PTPRM: variants seen among roughly 807,000 people sequenced by gnomAD.
PTPRM encodes the protein protein tyrosine phosphatase receptor type M, also known as receptor-type tyrosine-protein phosphatase mu.
In PTPRM, 47 loss-of-function variants were observed where a neutral mutation model predicts 186.7. The observed-to-expected ratio is 0.25, with a 90% confidence interval of 0.20 to 0.32. PTPRM has a LOEUF of 0.32. Ranked by LOEUF, PTPRM falls within the 10% of genes least tolerant of loss-of-function variation. The probability of loss-of-function intolerance (pLI) is 1.00; values close to 1 mark genes in which losing one functional copy is unlikely to be tolerated. For missense variants in PTPRM, 1,494 were observed against 1,865.0 expected (o/e 0.80, Z 3.66); for synonymous variants, 668 against 674.9 (o/e 0.99, Z 0.16).
chr18:8,289,531 T>C (rs1333313037), intron 19 of PTPRM, among the ~76,000 whole-genome samples: 1 of 97,622 alleles, frequency 1.0e-5, no homozygotes, highest in South Asian at 3.3e-4. Context: ...TATACATATA[T>C]ATACACATAT....
At chr18:7,804,725 A>C (rs987542785) in intron 2 of PTPRM, among the ~76,000 whole-genome samples, 4 of 152,226 alleles carry the variant, frequency 2.6e-5, no homozygotes, top group African/African-American at 9.6e-5. Context: ...TAAACTTTAT[A>C]TAATAATGAA....
chr18:8,039,174 C>T (rs770513383), intron 7 of PTPRM, among the ~76,000 whole-genome samples: 7 of 151,946 alleles, frequency 4.6e-5, no homozygotes, highest in South Asian at 2.1e-4. Context: ...TTGCAAATAC[C>T]TGTTAAATCT....
At chr18:7,789,155 T>C (rs921132217) in intron 2 of PTPRM, among the ~76,000 whole-genome samples, 9 of 151,986 alleles carry the variant, frequency 5.9e-5, no homozygotes, top group Admixed American at 3.9e-4. Flanking sequence ...GACCTGTCTC[T>C]ACAAAAATAA....
chr18:8,312,277 T>C (rs1013134900), intron 20 of PTPRM, among the ~76,000 whole-genome samples: 1 of 152,114 alleles, frequency 6.6e-6, no homozygotes, highest in Non-Finnish European at 1.5e-5. Context: ...AATCTACACA[T>C]GTCCAGTGCA....
At chr18:7,687,096 A>C (rs573434233) in intron 1 of PTPRM, among the ~76,000 whole-genome samples, 297 of 152,326 alleles carry the variant, frequency 1.9e-3, no homozygotes, top group African/African-American at 6.9e-3. Flanking sequence ...TAACATTTTA[A>C]AGTAAAATTT....
chr18:7,910,352 G>C (rs1160771398), intron 4 of PTPRM, among the ~76,000 whole-genome samples: 2 of 152,122 alleles, frequency 1.3e-5, no homozygotes, highest in African/African-American at 4.8e-5. Context: ...TGGACAAAAC[G>C]CACAAACAAA....
intron 2 of PTPRM, among the ~76,000 whole-genome samples, chr18:7,818,136 A>T (rs1476935091): frequency 6.6e-6 from 1 of 152,186 alleles, no homozygotes. Flanking sequence ...GTTGTGTGGG[A>T]AAAATGTCAC....
At chr18:8,372,227 G>A (rs1358625866) in intron 24 of PTPRM, among the ~76,000 whole-genome samples, 2 of 146,220 alleles carry the variant, frequency 1.4e-5, no homozygotes, top group Non-Finnish European at 3.0e-5. Context: ...GCCCGCCACC[G>A]CGCCCGGCTA....
chr18:8,156,162 C>G (rs948650635), intron 14 of PTPRM, among the ~76,000 whole-genome samples: 2 of 152,072 alleles, frequency 1.3e-5, no homozygotes, highest in Non-Finnish European at 2.9e-5. Context: ...TTGTAAAGGC[C>G]TCTTCTGAGC....
chr18:8,202,098 G>A (rs2093866138), intron 14 of PTPRM, among the ~76,000 whole-genome samples: 1 of 152,180 alleles, frequency 6.6e-6, no homozygotes, highest in African/African-American at 2.4e-5. Flanking sequence ...CAAATTTGAT[G>A]CTGATGCTTG....
intron 14 of PTPRM, among the ~76,000 whole-genome samples, chr18:8,219,227 G>A (rs1457729862): frequency 6.6e-6 from 1 of 152,194 alleles, no homozygotes; most frequent in Non-Finnish European, 1.5e-5. Context: ...CAGCACTTTG[G>A]GAGGCCGAGA....
intron 2 of PTPRM, among the ~76,000 whole-genome samples, chr18:7,819,818 G>A (rs1339191011): frequency 3.3e-5 from 5 of 152,114 alleles, no homozygotes; most frequent in Admixed American, 2.0e-4. Context: ...GCTGTGGGGC[G>A]CTGAAGAAGC....
intron 1 of PTPRM, among the ~76,000 whole-genome samples, chr18:7,621,002 T>A (rs148598185): frequency 2.2e-4 from 34 of 152,230 alleles, no homozygotes; most frequent in African/African-American, 7.5e-4. Flanking sequence ...GGCAACCTAG[T>A]GAGACCCCGT....
intron 1 of PTPRM, among the ~76,000 whole-genome samples, chr18:7,741,109 TAA>T (rs902625664): frequency 6.6e-6 from 1 of 152,212 alleles, no homozygotes; most frequent in African/African-American, 2.4e-5. Context: ...GAGCAAGTAC[TAA>T]GTTTTCTGAG....
At chr18:7,636,105 C>A (rs1430559260) in intron 1 of PTPRM, among the ~76,000 whole-genome samples, 1 of 152,096 alleles carries the variant, frequency 6.6e-6, no homozygotes, top group African/African-American at 2.4e-5. Context: ...AAAGTATTTG[C>A]TTGGGTGCTT....
chr18:7,997,861 C>T (rs1001489848), intron 7 of PTPRM, among the ~76,000 whole-genome samples: 1 of 152,112 alleles, frequency 6.6e-6, no homozygotes, highest in Non-Finnish European at 1.5e-5. Flanking sequence ...TGGCTATTAT[C>T]CAAAGAAAGT....
At chr18:7,813,268 A>G (rs2044627698) in intron 2 of PTPRM, among the ~76,000 whole-genome samples, 2 of 152,244 alleles carry the variant, frequency 1.3e-5, no homozygotes, top group African/African-American at 4.8e-5. Context: ...ATCTCAGTGC[A>G]GTAGATTAAC....
intron 14 of PTPRM, among the ~76,000 whole-genome samples, chr18:8,196,689 A>C (rs1480921272): frequency 6.6e-6 from 1 of 152,234 alleles, no homozygotes; most frequent in Non-Finnish European, 1.5e-5. Context: ...AACATTTATC[A>C]TTTGTAGGGA....
chr18:7,705,931 C>G (rs2040077493), intron 1 of PTPRM, among the ~76,000 whole-genome samples: 1 of 148,196 alleles, frequency 6.7e-6, no homozygotes, highest in Non-Finnish European at 1.5e-5. Flanking sequence ...CCAAATGATA[C>G]AAGAGCACTA....
Sources: gnomAD v4.1 joint callset for allele counts (sites outside exome capture counted in the v4.1 genomes callset) on GRCh38, gnomAD v4.1.1 for gene constraint, MANE v1.5 for transcripts, NCBI Gene and HGNC (gene_info 2026-07-23, HGNC 2026-07-21) for gene names.